The following CDH2 variants were observed in gnomAD, a reference collection of about 807,000 sequenced individuals.
The protein encoded by CDH2 is cadherin 2.
A neutral mutation model predicts 92.0 loss-of-function variants in CDH2; 17 were observed. The observed-to-expected ratio is 0.18, with a 90% confidence interval of 0.13 to 0.28. CDH2 has a LOEUF of 0.28. CDH2 is among the 10% of genes least tolerant of loss of function. CDH2 has a pLI of 1.00. For missense variants in CDH2, 862 were observed against 1,133.1 expected, an observed-to-expected ratio of 0.76 and a Z score of 3.44; for synonymous variants, 419 against 415.9, an observed-to-expected ratio of 1.01 and a Z score of -0.09.
At chr18:27,973,163 T>C (rs1158863691) in intron 14 of CDH2, among the ~76,000 whole-genome samples, 1 of 152,116 alleles carries the variant, frequency 6.6e-6, no homozygotes, top group Non-Finnish European at 1.5e-5. Flanking sequence ...GTGCTTTCTG[T>C]GTCACCAAGA....
At chr18:27,956,280 G>C (rs17521964) in intron 15 of CDH2, among the ~76,000 whole-genome samples, 264 of 152,224 alleles carry the variant, frequency 1.7e-3, no homozygotes, top group African/African-American at 6.2e-3. Context: ...ACCTTTCCTG[G>C]AGAGGTAGAT....
At chr18:28,046,525 A>C (rs2014080249) in intron 2 of CDH2, among the ~76,000 whole-genome samples, 1 of 152,182 alleles carries the variant, frequency 6.6e-6, no homozygotes, top group African/African-American at 2.4e-5. Context: ...CAAAAGTCAT[A>C]ATTTAGAGAA....
At chr18:28,067,308 T>C (rs2014527527) in intron 2 of CDH2, among the ~76,000 whole-genome samples, 1 of 152,126 alleles carries the variant, frequency 6.6e-6, no homozygotes, top group African/African-American at 2.4e-5. Flanking sequence ...ACAACCAATT[T>C]TAGAATGTTT....
intron 14 of CDH2, among the ~76,000 whole-genome samples, chr18:27,967,904 G>A (rs574317823): frequency 1.1e-4 from 16 of 152,170 alleles, no homozygotes; most frequent in Non-Finnish European, 2.2e-4. Flanking sequence ...ATAAAATGTT[G>A]CATCAGTATA....
intron 14 of CDH2, among the ~76,000 whole-genome samples, chr18:27,980,322 A>G (rs150156042): frequency 1.3e-4 from 20 of 152,266 alleles, no homozygotes; most frequent in African/African-American, 4.3e-4. Context: ...CTGTCATGCT[A>G]AGGAAGAAGT....
At chr18:28,094,285 G>T (rs138801691) in intron 2 of CDH2, among the ~76,000 whole-genome samples, 1 of 151,942 alleles carries the variant, frequency 6.6e-6, no homozygotes. Flanking sequence ...CCAGGAGTTC[G>T]AGACCAGCCT....
intron 13 of CDH2, among the ~76,000 whole-genome samples, chr18:27,983,509 C>T (rs1251086989): frequency 6.6e-6 from 1 of 152,124 alleles, no homozygotes; most frequent in East Asian, 1.9e-4. Context: ...CATTACACTC[C>T]GAAATTCACA....
intron 2 of CDH2, among the ~76,000 whole-genome samples, chr18:28,090,807 G>A (rs1176082440): frequency 6.6e-6 from 1 of 152,150 alleles, no homozygotes; most frequent in Non-Finnish European, 1.5e-5. Context: ...CCAGAAGCCA[G>A]TATAATATTT....
intron 15 of CDH2, among the ~76,000 whole-genome samples, chr18:27,960,407 T>C (rs1019891141): frequency 4.6e-5 from 7 of 152,140 alleles, no homozygotes; most frequent in Admixed American, 3.3e-4. Context: ...CAGCATGAAA[T>C]TGTAAGCTGA....
intron 6 of CDH2, among the ~76,000 whole-genome samples, chr18:28,005,393 C>T (rs183566118): frequency 1.1e-4 from 17 of 152,250 alleles, no homozygotes; most frequent in African/African-American, 3.4e-4. Flanking sequence ...TCCATGCTTT[C>T]GCTATGACTT....
intron 2 of CDH2, among the ~76,000 whole-genome samples, chr18:28,030,510 A>G (rs894203954): frequency 2.6e-5 from 4 of 152,064 alleles, no homozygotes; most frequent in Non-Finnish European, 5.9e-5. Context: ...AACAACAACA[A>G]CAAAAGAAAA....
intron 2 of CDH2, among the ~76,000 whole-genome samples, chr18:28,042,638 A>G (rs567844418): frequency 6.6e-6 from 1 of 152,300 alleles, no homozygotes; most frequent in African/African-American, 2.4e-5. Flanking sequence ...CAAAAGAGAA[A>G]CCATAAAAAT....
intron 2 of CDH2, among the ~76,000 whole-genome samples, chr18:28,075,173 A>G (rs1164768445): frequency 1.1e-4 from 17 of 152,202 alleles, no homozygotes; most frequent in Non-Finnish European, 8.8e-5. Context: ...AGTTCTCTGA[A>G]GCAGCCCACA....
chr18:28,066,554 C>T (rs528887020), intron 2 of CDH2, among the ~76,000 whole-genome samples: 4 of 152,188 alleles, frequency 2.6e-5, no homozygotes, highest in Non-Finnish European at 2.9e-5. Context: ...TTCTTACTGC[C>T]TATCAAGCAG....
At chr18:28,046,457 C>T (rs761502458) in intron 2 of CDH2, among the ~76,000 whole-genome samples, 1 of 151,890 alleles carries the variant, frequency 6.6e-6, no homozygotes, top group Non-Finnish European at 1.5e-5. Flanking sequence ...TGGTCAGAAA[C>T]CCAAAAAGTA....
chr18:28,070,974 G>A (rs893836248), intron 2 of CDH2, among the ~76,000 whole-genome samples: 2 of 151,678 alleles, frequency 1.3e-5, no homozygotes, highest in African/African-American at 2.4e-5. Context: ...GCATTGATAT[G>A]ATTTCATACC....
chr18:28,166,172 A>ATATATATATATATATATATATATG (rs1568024455), intron 1 of CDH2, among the ~76,000 whole-genome samples: 1 of 136,968 alleles, frequency 7.3e-6, no homozygotes, highest in African/African-American at 2.6e-5. Flanking sequence ...ATATATATAT[A>ATATATATATATATATATATATATG]TGTCTGTATT....
intron 2 of CDH2, among the ~76,000 whole-genome samples, chr18:28,095,594 G>A (rs17463351): frequency 6.6e-6 from 1 of 152,074 alleles, no homozygotes; most frequent in South Asian, 2.1e-4. Flanking sequence ...AAGGCGGGCA[G>A]ATCACCTGAG....
chr18:28,027,928 C>T (rs2013601200), intron 2 of CDH2, among the ~76,000 whole-genome samples: 1 of 151,252 alleles, frequency 6.6e-6, no homozygotes, highest in Non-Finnish European at 1.5e-5. Context: ...TTTCAGAGTA[C>T]AGGTGGCGTA....
Sources: gnomAD v4.1 joint callset for allele counts (sites outside exome capture counted in the v4.1 genomes callset) on GRCh38, gnomAD v4.1.1 for gene constraint, MANE v1.5 for transcripts, NCBI Gene and HGNC (gene_info 2026-07-23, HGNC 2026-07-21) for gene names.